Variants in POLR3H observed in about 807,000 individuals in gnomAD.
POLR3H encodes the protein RNA polymerase III subunit H, also known as DNA-directed RNA polymerase III subunit RPC8.
POLR3H carries 17 observed loss-of-function variants against 25.5 expected under a neutral mutation model. That is an observed-to-expected ratio of 0.67 (90% CI 0.46 to 1.00). The LOEUF (loss-of-function observed/expected upper bound fraction) is 1.00, where lower values mean the gene tolerates loss of function less well. Among genes scored for constraint, POLR3H ranks in the 50% least tolerant of loss-of-function variants. POLR3H has a pLI of 0.00. For synonymous variants in POLR3H, 129 were observed against 103.0 expected (o/e 1.25, Z -1.53); for missense variants, 274 against 265.0 (o/e 1.03, Z -0.24).
Position 41,528,628 on chromosome 22 carries a change from C to T in POLR3H, c.*655G>A, listed in dbSNP as rs374740873. 32 of 1,554,374 alleles carry T rather than the reference C, an allele frequency of 2.1e-5. No individual in the cohort carries two copies. Among genetic ancestry groups the T allele is most frequent in the Middle Eastern group, 1.9e-4 (1 of 5,202 alleles). On this transcript the variant is annotated 3_prime_UTR_variant, in exon 6 of 6. Transcript: ENST00000355209. ...TGCAACAGTGAGGGCAGTGCCTCCC[C>T]GCCCCGCCGCTGGCGTCAAGTTCAG...
rs2066665860 is a variant in POLR3H at position 41,529,014 on chromosome 22, T to TGTCAA, written c.*264_*268dup. 1.9e-6 allele frequency: 1 copy of TGTCAA among 540,422 alleles called. No individual in the cohort carries two copies. Among genetic ancestry groups the TGTCAA allele is most frequent in the Non-Finnish European group, 3.3e-6 (1 of 306,610 alleles). 33.5% of individuals were successfully genotyped at this position (540,422 alleles called of 1,614,324 possible). On this transcript the variant is annotated 3_prime_UTR_variant, in exon 6 of 6. Coordinates refer to ENST00000355209, the MANE Select transcript of POLR3H (RefSeq NM_001018050.4). ...AGTGATTGGTGTCTGTGCCGTTTGT[T>TGTCAA]GTCAAGTCCAGGGTCCAGGAAGGGT...
At chr22:41,530,279 ATTG>A (rs955829525) in intron 5 of POLR3H, among the ~76,000 whole-genome samples, 8 of 151,264 alleles carry the variant, frequency 5.3e-5, no homozygotes, top group Non-Finnish European at 8.8e-5. Context: ...TGCCCTGCTA[ATTG>A]TTTTTTATAG....
At position 41,526,718 on chromosome 22, in the gene POLR3H, AGG is replaced by A. The variant is rs2066605456; in HGVS notation, c.*2563_*2564del. 1 of 425,704 alleles carries A rather than the reference AGG, an allele frequency of 2.3e-6. No individual in the cohort carries two copies. Among genetic ancestry groups the A allele is most frequent in the Non-Finnish European group, 4.2e-6 (1 of 236,820 alleles). 26.4% of individuals were successfully genotyped at this position (425,704 alleles called of 1,614,324 possible). On this transcript the variant is annotated 3_prime_UTR_variant, in exon 6 of 6. Transcript: ENST00000355209. ...GGATATCTGGCCCTAGACAAAGACA[AGG>A]AAGGGGGCCGACTCAGGAAGTCAGA...
At chr22:41,530,924 G>C (rs1569030588) in intron 4 of POLR3H, 36 bp from the exon 5 acceptor site, 1 of 1,604,260 alleles carries the variant, frequency 6.2e-7, no homozygotes, top group Non-Finnish European at 8.5e-7. Context: ...CAACCAGATA[G>C]TGGGAGGGGC....
chr22:41,544,089 C>T lies in POLR3H; in HGVS notation c.13G>A (p.Val5Met), dbSNP rs1391266323. The T allele has an allele frequency of 1.9e-6, 3 of 1,611,042 alleles. No individual in the cohort carries two copies. Among genetic ancestry groups the T allele is most frequent in the Non-Finnish European group, 2.5e-6 (3 of 1,177,638 alleles). Residue 5 changes from valine to methionine, a missense_variant, in exon 1 of 6, where the codon GTG (valine) becomes ATG (methionine). Transcript: ENST00000355209. ...ATCCGGACGGTGTCCACCATTTCCA[C>T]CAGGACGAACATCCCGGCCTGCGCT... Reference protein sequence around the residue: MFVLVEMVDTVRIPP... With the variant: MFVLMEMVDTVRIPP...
intron 5 of POLR3H, 65 bp downstream of exon 5, chr22:41,530,622 G>A: frequency 6.9e-7 from 1 of 1,456,040 alleles, no homozygotes; most frequent in Non-Finnish European, 9.3e-7. Flanking sequence ...CCAGGACACA[G>A]CTTCCAGCCC....
rs551180848 is a variant in POLR3H, at chr22:41,532,889, C to T, written c.209-144G>A. 7.4e-5 allele frequency: 63 copies of T among 852,460 alleles called. 1 individual carries two copies. The South Asian group carries it at 1.2e-3, about 16-fold the overall frequency. 52.8% of individuals were successfully genotyped at this position (852,460 alleles called of 1,614,324 possible). On this transcript the variant is annotated intron_variant, in intron 2 of 5. Coordinates refer to ENST00000355209, the MANE Select transcript of POLR3H (RefSeq NM_001018050.4). ...CAAGCCTAGACCCTCCCTTTGTCTC[C>T]TGCAAGTTCACAGCATGGCCCCCAC...
chr22:41,531,459 T>C (rs563040467), intron 4 of POLR3H, among the ~76,000 whole-genome samples: 5 of 152,328 alleles, frequency 3.3e-5, no homozygotes, highest in African/African-American at 9.6e-5. Context: ...CCATCGTCCC[T>C]GGCAGAGCCC....
In POLR3H at chr22:41,526,115, C is replaced by A; in HGVS notation, c.*3168G>T. The A allele has an allele frequency of 1.5e-6, 1 of 667,576 alleles. No individual in the cohort carries two copies. The allele number at this position is 667,576 out of a possible 1,614,324, so 41.4% of individuals were successfully genotyped here. A position where few individuals can be genotyped will look rare whatever the true frequency, so the allele number is the denominator to read the frequency against. On this transcript the variant is annotated 3_prime_UTR_variant, in exon 6 of 6. Coordinates refer to ENST00000355209, the MANE Select transcript of POLR3H (RefSeq NM_001018050.4). ...CCTTAGGGTGGAAGCACCAGGACCA[C>A]AGAACACGTGTCTGAAGACTTGCCT...
At chr22:41,533,435 C>T (rs1024191200) in intron 2 of POLR3H, 7 of 1,031,402 alleles carry the variant, frequency 6.8e-6, no homozygotes, top group Admixed American at 8.1e-5. Context: ...GAGTTCCCAC[C>T]GTGAGGATAA....
intron 2 of POLR3H, among the ~76,000 whole-genome samples, chr22:41,534,054 C>G (rs1194857706): frequency 1.3e-5 from 2 of 152,072 alleles, no homozygotes; most frequent in Non-Finnish European, 2.9e-5. Context: ...AGGAGAATCA[C>G]TTGAACCAGG....
intron 4 of POLR3H, among the ~76,000 whole-genome samples, chr22:41,531,168 G>A (rs2066724806): frequency 6.6e-6 from 1 of 152,202 alleles, no homozygotes; most frequent in Non-Finnish European, 1.5e-5. Context: ...AGGAGGGGAC[G>A]AGACAGGGTC....
Position 41,526,956 on chromosome 22 carries a change from G to C in POLR3H, c.*2327C>G. On this transcript the variant is annotated 3_prime_UTR_variant, in exon 6 of 6. Coordinates refer to ENST00000355209, the MANE Select transcript of POLR3H (RefSeq NM_001018050.4). ...GGAAGGGGGCGCCTTGAGCTTCACA[G>C]ATGCATCTTGTGTGGGGCCCGGAGG... is the stretch of plus-strand genomic sequence containing the variant. 2 of 425,912 alleles carry C rather than the reference G, an allele frequency of 4.7e-6. No individual in the cohort carries two copies. Among genetic ancestry groups the C allele is most frequent in the Non-Finnish European group, 8.5e-6 (2 of 235,478 alleles). 26.4% of individuals were successfully genotyped at this position (425,912 alleles called of 1,614,324 possible).
chr22:41,530,398 G>A (rs2066703425), intron 5 of POLR3H, among the ~76,000 whole-genome samples: 1 of 152,218 alleles, frequency 6.6e-6, no homozygotes. Flanking sequence ...GTGAGCCACT[G>A]CACTTGGCCT....
intron 2 of POLR3H, chr22:41,540,234 C>T (rs140703868): frequency 9.4e-4 from 262 of 277,430 alleles, no homozygotes; most frequent in African/African-American, 4.2e-3. Flanking sequence ...GCGGGAAGCC[C>T]GAGGAATGGA....
Position 41,529,261 on chromosome 22 carries a change from G to A in POLR3H, c.*22C>T, listed in dbSNP as rs750741314. Reference sequence around the variant, plus strand: ...ATACCACCTTCCCGCAGGCTGGTAGGGTCCACTGTCCAGCCCCAGGGCTAG... The same window carrying A: ...ATACCACCTTCCCGCAGGCTGGTAGAGTCCACTGTCCAGCCCCAGGGCTAG... On this transcript the variant is annotated 3_prime_UTR_variant, in exon 6 of 6. Coordinates refer to ENST00000355209, the MANE Select transcript of POLR3H (RefSeq NM_001018050.4). 7 of 1,608,762 alleles carry A rather than the reference G, an allele frequency of 4.4e-6. No homozygotes were observed. The highest frequency in any genetic ancestry group is 2.2e-5 in the East Asian group (1 of 44,848).
chr22:41,544,420 TCA>T lies in POLR3H; in HGVS notation c.-321_-320del, dbSNP rs2066988907. On this transcript the variant is annotated 5_prime_UTR_variant, in exon 1 of 6. Transcript: ENST00000355209. ...CCCGCGCCACGTGCCGCCGCTCGTATCACGCACCACGCACCACGCACCGCGCA... is the reference window on the plus strand; with the variant it reads ...CCCGCGCCACGTGCCGCCGCTCGTATCGCACCACGCACCACGCACCGCGCA... 3.8e-5 allele frequency: 6 copies of T among 157,440 alleles called. No homozygotes were observed. The highest frequency in any genetic ancestry group is 2.9e-4 in the African/African-American group (6 of 20,798). The allele number at this position is 157,440 out of a possible 1,614,324, so 9.8% of individuals were successfully genotyped here. A position where few individuals can be genotyped will look rare whatever the true frequency, so the allele number is the denominator to read the frequency against.
intron 2 of POLR3H, chr22:41,540,343 C>T (rs2066909452): frequency 2.7e-6 from 1 of 370,374 alleles, no homozygotes; most frequent in Non-Finnish European, 5.2e-6. Flanking sequence ...AGTCCACATC[C>T]CAGGCCTCAC....
In POLR3H at chr22:41,526,580, G is replaced by A; in HGVS notation, c.*2703C>T. ...CCGACCAAGCCCAAAGGGGACTGCT[G>A]TGGAAGGGAGGAGAGGCCTGCAGCC... On this transcript the variant is annotated 3_prime_UTR_variant, in exon 6 of 6. Transcript: ENST00000355209. 1 of 1,082,580 alleles carries A rather than the reference G, an allele frequency of 9.2e-7. No homozygotes were observed. The highest frequency in any genetic ancestry group is 1.3e-6 in the Non-Finnish European group (1 of 775,470). The allele number at this position is 1,082,580 out of a possible 1,614,324, so 67.1% of individuals were successfully genotyped here. A position where few individuals can be genotyped will look rare whatever the true frequency, so the allele number is the denominator to read the frequency against.
Sources: allele counts gnomAD v4.1 joint callset (sites outside exome capture counted in the v4.1 genomes callset), GRCh38; gene constraint gnomAD v4.1.1; transcripts MANE v1.5; gene names NCBI Gene and HGNC (gene_info 2026-07-23, HGNC 2026-07-21).